MAGI2: variants seen among roughly 807,000 people sequenced by gnomAD.
MAGI2 encodes membrane associated guanylate kinase, WW and PDZ domain containing 2, also known as membrane-associated guanylate kinase, WW and PDZ domain-containing protein 2.
A neutral mutation model predicts 133.3 loss-of-function variants in MAGI2; 35 were observed. The observed-to-expected ratio is 0.26, with a 90% confidence interval of 0.20 to 0.35. The LOEUF is 0.35. Among genes scored for constraint, MAGI2 ranks in the 10% least tolerant of loss-of-function variants. The pLI, the probability that MAGI2 is intolerant of heterozygous loss-of-function variation, is 1.00. For synonymous variants in MAGI2, 729 were observed against 710.6 expected (o/e 1.03, Z -0.41); for missense variants, 1,636 against 1,863.4 (o/e 0.88, Z 2.25).
intron 2 of MAGI2, among the ~76,000 whole-genome samples, chr7:78,998,962 C>T (rs1253026605): frequency 6.6e-6 from 1 of 152,032 alleles, no homozygotes; most frequent in East Asian, 1.9e-4. Context: ...ATTCTGAGTT[C>T]CCTGAAAGGT....
At chr7:79,295,189 A>T (rs1399649511) in intron 1 of MAGI2, among the ~76,000 whole-genome samples, 1 of 152,234 alleles carries the variant, frequency 6.6e-6, no homozygotes, top group African/African-American at 2.4e-5. Flanking sequence ...TATAAAACAA[A>T]AAAAAGGTAA....
intron 6 of MAGI2, among the ~76,000 whole-genome samples, chr7:78,446,339 G>A (rs934602192): frequency 6.6e-6 from 1 of 151,934 alleles, no homozygotes; most frequent in Admixed American, 6.6e-5. Context: ...ACTTAAACTG[G>A]CATAAATATG....
At chr7:79,213,079 G>C (rs535900714) in intron 1 of MAGI2, among the ~76,000 whole-genome samples, 2 of 151,902 alleles carry the variant, frequency 1.3e-5, no homozygotes, top group Non-Finnish European at 2.9e-5. Flanking sequence ...GGATCGAGGG[G>C]AGCAATAGTA....
At chr7:78,367,863 C>T (rs574184216) in intron 7 of MAGI2, among the ~76,000 whole-genome samples, 95 of 152,252 alleles carry the variant, frequency 6.2e-4, no homozygotes, top group African/African-American at 2.2e-3. Context: ...TACTTTAATT[C>T]ATCAGCAATC....
chr7:79,448,804 A>G (rs1849035182), intron 1 of MAGI2, among the ~76,000 whole-genome samples: 1 of 152,176 alleles, frequency 6.6e-6, no homozygotes, highest in African/African-American at 2.4e-5. Context: ...AAGTGAGCAT[A>G]ATAAACATGC....
intron 1 of MAGI2, among the ~76,000 whole-genome samples, chr7:79,398,641 A>C (rs1194537574): frequency 6.6e-6 from 1 of 152,198 alleles, no homozygotes; most frequent in African/African-American, 2.4e-5. Context: ...TACCAGGAAA[A>C]GCCTTTCTAG....
At chr7:78,830,516 T>C (rs1791050629) in intron 2 of MAGI2, among the ~76,000 whole-genome samples, 1 of 152,212 alleles carries the variant, frequency 6.6e-6, no homozygotes, top group African/African-American at 2.4e-5. Context: ...GTTTTAAATT[T>C]TAAAATTTGC....
At chr7:78,612,541 C>T (rs930699237) in intron 3 of MAGI2, among the ~76,000 whole-genome samples, 7 of 152,086 alleles carry the variant, frequency 4.6e-5, no homozygotes, top group Non-Finnish European at 1.0e-4. Context: ...AGGCAATACC[C>T]TTATATACTT....
intron 2 of MAGI2, among the ~76,000 whole-genome samples, chr7:78,783,787 A>C (rs145610661): frequency 6.6e-6 from 1 of 152,216 alleles, no homozygotes; most frequent in Admixed American, 6.5e-5. Context: ...ACCTGTGTAC[A>C]TTGTTAAATA....
chr7:79,310,175 AAAAAAAAAAAAAAAAAAAAAG>A lies in MAGI2; in HGVS notation c.301+142824_301+142844del, dbSNP rs1233991566. ...GAGAGTCCATCTCAAAAAAAAAAAAAAAAAAAAAAAAAAAAAAAAAGAGAGAGAGAGAGAAATATCTCCATC... is the reference window on the plus strand; with the variant it reads ...GAGAGTCCATCTCAAAAAAAAAAAAAAGAGAGAGAGAGAAATATCTCCATC... On this transcript the variant is annotated intron_variant, in intron 1 of 21. Transcript: ENST00000354212. 3.6e-4 allele frequency among the ~76,000 whole-genome samples: 50 copies of A among 137,468 alleles called. No homozygotes were observed. In the East Asian group the frequency reaches 7.9e-3, roughly 22 times the overall value. 90.2% of individuals were successfully genotyped at this position (137,468 alleles called of 152,430 possible). A position where few individuals can be genotyped will look rare whatever the true frequency, so the allele number is the denominator to read the frequency against.
chr7:78,088,031 T>C (rs1362602964), intron 20 of MAGI2, among the ~76,000 whole-genome samples: 1 of 152,158 alleles, frequency 6.6e-6, no homozygotes, highest in African/African-American at 2.4e-5. Context: ...CAGAAATCAC[T>C]TATATTAGGT....
At chr7:79,186,230 A>T (rs200137182) in intron 1 of MAGI2, among the ~76,000 whole-genome samples, 24,551 of 67,920 alleles carry the variant, frequency 0.36, 5,519 homozygotes, top group African/African-American at 0.6. Flanking sequence ...ATATATATAT[A>T]TATATATATA....
intron 2 of MAGI2, among the ~76,000 whole-genome samples, chr7:78,636,883 AAG>A (rs1354075892): frequency 1.3e-5 from 2 of 152,190 alleles, no homozygotes; most frequent in Non-Finnish European, 2.9e-5. Flanking sequence ...GGACTTGTTA[AAG>A]CACAGATAGC....
At chr7:78,522,029 TG>T (rs1796551886) in intron 3 of MAGI2, among the ~76,000 whole-genome samples, 1 of 152,188 alleles carries the variant, frequency 6.6e-6, no homozygotes, top group African/African-American at 2.4e-5. Context: ...GTAATTTTTT[TG>T]TAGTGGGGTA....
chr7:78,145,502 C>A (rs1368263887), intron 16 of MAGI2, among the ~76,000 whole-genome samples: 1 of 152,118 alleles, frequency 6.6e-6, no homozygotes, highest in Non-Finnish European at 1.5e-5. Flanking sequence ...TAGATATTGG[C>A]ATCCCGGATT....
chr7:78,361,598 T>C (rs1204850812), intron 7 of MAGI2, among the ~76,000 whole-genome samples: 2 of 152,224 alleles, frequency 1.3e-5, no homozygotes, highest in Non-Finnish European at 2.9e-5. Flanking sequence ...AGAACATTTA[T>C]ATACATAACT....
chr7:79,006,230 T>C (rs1056509497), intron 2 of MAGI2, among the ~76,000 whole-genome samples: 58 of 152,182 alleles, frequency 3.8e-4, no homozygotes, highest in African/African-American at 1.4e-3. Context: ...TTTTCTTTAT[T>C]TAATGTTATC....
chr7:79,359,571 A>C (rs1372036329), intron 1 of MAGI2, among the ~76,000 whole-genome samples: 1 of 151,966 alleles, frequency 6.6e-6, no homozygotes, highest in African/African-American at 2.4e-5. Context: ...TTAAAGACAA[A>C]GAAAAACCCT....
intron 9 of MAGI2, among the ~76,000 whole-genome samples, chr7:78,308,548 T>TC (rs1367148917): frequency 1.3e-5 from 2 of 152,008 alleles, no homozygotes; most frequent in Admixed American, 1.3e-4. Flanking sequence ...TCTTTTTTTT[T>TC]CTGGAAAGGG....
Sources: allele counts gnomAD v4.1 joint callset (sites outside exome capture counted in the v4.1 genomes callset), GRCh38; gene constraint gnomAD v4.1.1; transcripts MANE v1.5; gene names NCBI Gene and HGNC (gene_info 2026-07-23, HGNC 2026-07-21).